The following OR51B5 variants were observed in gnomAD, a reference collection of about 807,000 sequenced individuals.
OR51B5 encodes olfactory receptor 51B5.
For synonymous variants in OR51B5, 186 were observed against 144.8 expected, an observed-to-expected ratio of 1.28 and a Z score of -2.04; for missense variants, 456 against 374.6, an observed-to-expected ratio of 1.22 and a Z score of -1.79.
exon 1 of OR51B5, chr11:5,343,301 G>A (rs768887615): frequency 6.2e-7 from 1 of 1,611,858 alleles, no homozygotes; most frequent in East Asian, 2.2e-5. Flanking sequence ...CGTGGGCATT[G>A]TGGTCAGGGC....
intron 1 of OR51B5, among the ~76,000 whole-genome samples, chr11:5,361,519 G>A (rs1236951224): frequency 6.6e-6 from 1 of 152,198 alleles, no homozygotes; most frequent in Admixed American, 6.5e-5. Flanking sequence ...AAGAACTCCA[G>A]TGTGTCTTGG....
intron 1 of OR51B5, among the ~76,000 whole-genome samples, chr11:5,398,048 T>C (rs1258817090): frequency 6.6e-6 from 1 of 151,940 alleles, no homozygotes; most frequent in Non-Finnish European, 1.5e-5. Flanking sequence ...CCGGGGCCTG[T>C]TGTGGGGTGG....
At chr11:5,440,197 T>C (rs2133775045) in intron 1 of OR51B5, among the ~76,000 whole-genome samples, 1 of 152,330 alleles carries the variant, frequency 6.6e-6, no homozygotes, top group Admixed American at 6.5e-5. Context: ...TCCTTCACTC[T>C]GGGCAGGAGC....
chr11:5,502,402 C>T (rs1353973249), intron 1 of OR51B5, among the ~76,000 whole-genome samples: 2 of 152,180 alleles, frequency 1.3e-5, no homozygotes, highest in East Asian at 3.9e-4. Flanking sequence ...TTTATCCTTT[C>T]TCCTTTGCAT....
At chr11:5,355,422 A>T (rs1236686202) in intron 1 of OR51B5, 1 of 154,898 alleles carries the variant, frequency 6.5e-6, no homozygotes, top group Admixed American at 6.5e-5. Context: ...TCAACATTCA[A>T]AGAGCAACAC....
At position 5,453,852 on chromosome 11, in the gene OR51B5, C is replaced by A. The variant is rs10450603; in HGVS notation, n.84+51717G>T. 8 of 1,614,108 alleles carry A rather than the reference C, an allele frequency of 5.0e-6. No individual in the cohort carries two copies. In the African/African-American group the frequency reaches 6.7e-5, roughly 13 times the overall value. ...TATTCTGCTGGCCATGAGTTTTGACCGCTATGTGGCCATTTGTGACCCCTT... is the reference window on the plus strand; with the variant it reads ...TATTCTGCTGGCCATGAGTTTTGACAGCTATGTGGCCATTTGTGACCCCTT... On this transcript the variant is annotated intron_variant and non_coding_transcript_variant, in intron 1 of 4. Transcript: ENST00000415970.
At chr11:5,453,941 A>G (rs1850903418) in intron 1 of OR51B5, 2 of 1,614,024 alleles carry the variant, frequency 1.2e-6, no homozygotes, top group Non-Finnish European at 1.7e-6. Flanking sequence ...CAGCTGCTCG[A>G]AGCTTCATCA....
At chr11:5,478,263 C>T (rs1044467004) in intron 1 of OR51B5, among the ~76,000 whole-genome samples, 3 of 152,062 alleles carry the variant, frequency 2.0e-5, no homozygotes, top group Non-Finnish European at 4.4e-5. Context: ...TGACACCTCA[C>T]ACGGCAGGGT....
At chr11:5,400,772 C>T (rs987306108) in intron 1 of OR51B5, among the ~76,000 whole-genome samples, 3 of 152,162 alleles carry the variant, frequency 2.0e-5, no homozygotes, top group Non-Finnish European at 2.9e-5. Context: ...CTCTGTGTTG[C>T]CTTGGTCCTG....
intron 1 of OR51B5, among the ~76,000 whole-genome samples, chr11:5,485,031 A>G (rs1851479771): frequency 6.6e-6 from 1 of 152,222 alleles, no homozygotes; most frequent in South Asian, 2.1e-4. Context: ...AATGAAAAGT[A>G]CATCATCTAC....
intron 1 of OR51B5, among the ~76,000 whole-genome samples, chr11:5,496,724 T>C (rs1025258822): frequency 6.6e-6 from 1 of 152,122 alleles, no homozygotes; most frequent in African/African-American, 2.4e-5. Flanking sequence ...AGAAGTGGAG[T>C]TTCCCCCATC....
intron 1 of OR51B5, chr11:5,351,424 T>G (rs1056007672): frequency 1.3e-4 from 133 of 1,009,948 alleles, no homozygotes; most frequent in Middle Eastern, 3.2e-4. Flanking sequence ...TATGAACAGG[T>G]AGAATTCTCA....
chr11:5,406,456 G>GT (rs1471644644), intron 1 of OR51B5, among the ~76,000 whole-genome samples: 4 of 152,088 alleles, frequency 2.6e-5, no homozygotes, highest in Admixed American at 2.6e-4. Context: ...ATGAAATTGT[G>GT]TAATAAGCAG....
At chr11:5,341,548 G>A (rs1848893058), downstream of OR51B5, among the ~76,000 whole-genome samples, 1 of 151,964 alleles carries the variant, frequency 6.6e-6, no homozygotes, top group Admixed American at 6.6e-5. Flanking sequence ...CCTCTTTTTA[G>A]GATATTTTAA....
intron 1 of OR51B5, among the ~76,000 whole-genome samples, chr11:5,483,264 A>C (rs1411915850): frequency 7.0e-6 from 1 of 143,546 alleles, no homozygotes; most frequent in Non-Finnish European, 1.5e-5. Context: ...AGAACAAAAA[A>C]CCAAACACCG....
chr11:5,428,911 GT>G (rs1484060094), intron 1 of OR51B5, among the ~76,000 whole-genome samples: 1 of 152,176 alleles, frequency 6.6e-6, no homozygotes, highest in Non-Finnish European at 1.5e-5. Flanking sequence ...TGTAGGTATA[GT>G]TTTTACTGTC....
intron 1 of OR51B5, among the ~76,000 whole-genome samples, chr11:5,403,743 A>T (rs1459828924): frequency 2.0e-5 from 3 of 152,134 alleles, no homozygotes; most frequent in African/African-American, 7.2e-5. Context: ...ACAGTACACA[A>T]AAGTGAGGCT....
chr11:5,489,527 A>G (rs767167520), intron 1 of OR51B5: 5 of 1,614,038 alleles, frequency 3.1e-6, no homozygotes, highest in Non-Finnish European at 3.4e-6. Context: ...GAAGTCCCCA[A>G]GCATGTGCAC....
chr11:5,367,709 T>A (rs1018920017), intron 1 of OR51B5, among the ~76,000 whole-genome samples: 2 of 152,176 alleles, frequency 1.3e-5, no homozygotes, highest in Admixed American at 1.3e-4. Flanking sequence ...GCCCAGTAGG[T>A]CTCAGCCTTA....
Sources: gnomAD v4.1 joint callset for allele counts (sites outside exome capture counted in the v4.1 genomes callset) on GRCh38, gnomAD v4.1.1 for gene constraint, MANE v1.5 for transcripts, NCBI Gene and HGNC (gene_info 2026-07-23, HGNC 2026-07-21) for gene names.